The following CSF2RA variants were observed in gnomAD, a reference collection of about 807,000 sequenced individuals.
CSF2RA encodes the protein colony stimulating factor 2 receptor subunit alpha, also known as granulocyte-macrophage colony-stimulating factor receptor subunit alpha.
Under a neutral mutation model 51.6 loss-of-function variants are expected in CSF2RA, and 42 were observed. The observed-to-expected ratio is 0.81, with a 90% CI of 0.64 to 1.05. The LOEUF is 1.05. Ranked by LOEUF, CSF2RA falls within the 50% of genes least tolerant of loss-of-function variation. The probability of loss-of-function intolerance (pLI) is 0.00; values close to 1 mark genes in which losing one functional copy is unlikely to be tolerated. For synonymous variants in CSF2RA, 222 were observed against 193.0 expected (o/e 1.15, Z -1.24); for missense variants, 530 against 501.1 (o/e 1.06, Z -0.55).
chrX:1,295,258 A>G (rs2091832724), intron 8 of CSF2RA, among the ~76,000 whole-genome samples, 169 bp from the exon 9 acceptor site: 2 of 152,072 alleles, frequency 1.3e-5, no homozygotes, highest in Non-Finnish European at 2.9e-5. Flanking sequence ...GCAGCTCCTC[A>G]TCCTACCTGT....
At chrX:1,315,561 C>G in the CSF2RA span, among the ~76,000 whole-genome samples, 1 of 151,508 alleles carries the variant, frequency 6.6e-6, no homozygotes, top group Non-Finnish European at 1.5e-5. Flanking sequence ...GCACCACCAC[C>G]CCCAGCCAAT....
At chrX:1,320,802 C>T in the CSF2RA span, among the ~76,000 whole-genome samples, 15 of 151,420 alleles carry the variant, frequency 9.9e-5, no homozygotes, top group African/African-American at 3.4e-4. Context: ...TGAGCCACTG[C>T]ACCCAGCCTG....
In CSF2RA at chrX:1,288,349, G is replaced by T. The variant is rs1174667752; in HGVS notation, c.220-170G>T. ...ATACACAAATTAGCAGGGTGTGGTG[G>T]CGGGTGTCTGTAATCCGAGCTACTC... On this transcript the variant is annotated intron_variant, in intron 4 of 12. Coordinates refer to ENST00000381529, the MANE Select transcript of CSF2RA (RefSeq NM_172245.4). Among the ~76,000 whole-genome samples, 49 of 126,750 alleles carry T rather than the reference G, an allele frequency of 3.9e-4. 2 individuals are homozygous for T. The highest frequency in any genetic ancestry group is 1.1e-3 in the African/African-American group (43 of 39,300). 83.2% of individuals were successfully genotyped at this position (126,750 alleles called of 152,430 possible). A position where few individuals can be genotyped will look rare whatever the true frequency, so the allele number is the denominator to read the frequency against.
the CSF2RA span, among the ~76,000 whole-genome samples, chrX:1,316,724 C>A: frequency 3.9e-5 from 6 of 152,300 alleles, no homozygotes; most frequent in East Asian, 9.7e-4. Flanking sequence ...AGCACCACCA[C>A]CTCCTACATC....
the CSF2RA span, among the ~76,000 whole-genome samples, chrX:1,323,151 T>TACAA: frequency 6.7e-4 from 37 of 55,032 alleles, no homozygotes; most frequent in African/African-American, 1.4e-3. Flanking sequence ...ATACAATACA[T>TACAA]TACAATTATA....
intron 10 of CSF2RA, chrX:1,303,429 G>C (rs2083215167): frequency 2.4e-6 from 1 of 409,380 alleles, no homozygotes; most frequent in Non-Finnish European, 4.3e-6. Flanking sequence ...TAGCAGAGAT[G>C]AGGTTTCACC....
At chrX:1,275,796 G>A (rs2089112660) in intron 2 of CSF2RA, among the ~76,000 whole-genome samples, 1 of 151,726 alleles carries the variant, frequency 6.6e-6, no homozygotes, top group Non-Finnish European at 1.5e-5. Context: ...CTGACTTCGT[G>A]ATCCGCCCGC....
At chrX:1,323,296 C>T in the CSF2RA span, among the ~76,000 whole-genome samples, 9 of 145,920 alleles carry the variant, frequency 6.2e-5, no homozygotes, top group African/African-American at 2.0e-4. Context: ...GGCGGATCAC[C>T]TGAGGTCGGG....
chrX:1,292,729 C>T (rs1469905667), intron 7 of CSF2RA, among the ~76,000 whole-genome samples: 2 of 152,088 alleles, frequency 1.3e-5, no homozygotes, highest in East Asian at 1.9e-4. Flanking sequence ...CAGAATAGAA[C>T]GAATGTACGA....
chrX:1,317,923 C>T, the CSF2RA span, among the ~76,000 whole-genome samples: 1 of 151,732 alleles, frequency 6.6e-6, no homozygotes, highest in Non-Finnish European at 1.5e-5. Context: ...CCTCCCACCT[C>T]GGCCTCCTTA....
At chrX:1,290,235 G>C in intron 6 of CSF2RA, 102 bp from the exon 7 acceptor site, 1 of 912,346 alleles carries the variant, frequency 1.1e-6, no homozygotes, top group Non-Finnish European at 1.7e-6. Context: ...TTTGTGTTTT[G>C]TGTTTTTGTG....
At chrX:1,296,340 C>T (rs1199832032) in intron 9 of CSF2RA, among the ~76,000 whole-genome samples, 1 of 130,028 alleles carries the variant, frequency 7.7e-6, no homozygotes, top group Non-Finnish European at 1.7e-5. Flanking sequence ...CTACCCATGA[C>T]CCCTGGCGGA....
rs776266749 is a variant in CSF2RA, at chrX:1,287,906, T to C, written c.220-613T>C. Among the ~76,000 whole-genome samples, 176 of 141,452 alleles carry C rather than the reference T, an allele frequency of 1.2e-3. 1 individual carries two copies. Among genetic ancestry groups the C allele is most frequent in the African/African-American group, 4.1e-3 (154 of 37,766 alleles). The allele number at this position is 141,452 out of a possible 152,430, so 92.8% of individuals were successfully genotyped here. On this transcript the variant is annotated intron_variant, in intron 4 of 12. Coordinates refer to ENST00000381529, the MANE Select transcript of CSF2RA (RefSeq NM_172245.4). Reference sequence around the variant, plus strand: ...TGCCTGCCACCACACCTGGCTAATTTTTGTATTTTTAGTAGAGACGGGGTT... The same window carrying C: ...TGCCTGCCACCACACCTGGCTAATTCTTGTATTTTTAGTAGAGACGGGGTT...
At chrX:1,300,151 G>A in intron 9 of CSF2RA, 1 of 234,528 alleles carries the variant, frequency 4.3e-6, no homozygotes, top group South Asian at 5.7e-5. Context: ...CCCTGGAGGT[G>A]GAGGTTGTAG....
At chrX:1,313,847 G>A (rs36025654), downstream of CSF2RA, among the ~76,000 whole-genome samples, 18,726 of 151,396 alleles carry the variant, frequency 0.12, 1,592 homozygotes, top group Middle Eastern at 0.19. Context: ...AATCTTAGCC[G>A]GGTGTGGTGG....
Position 1,309,409 on chromosome X carries a change from G to C in CSF2RA, c.1133G>C (p.Trp378Ser), listed in dbSNP as rs1212776710. The C allele has an allele frequency of 6.2e-7, 1 of 1,613,912 alleles. No homozygotes were observed. The highest frequency in any genetic ancestry group is 8.5e-7 in the Non-Finnish European group (1 of 1,179,834). The change falls in exon 13 of 13, where the codon TGG becomes TCG. Residue 378 changes from tryptophan (W) to serine (S), a missense_variant. Physicochemically the swap from Trp to Ser is radical, Grantham distance 177 (BLOSUM62 -3). Coordinates refer to ENST00000381529, the MANE Select transcript of CSF2RA (RefSeq NM_172245.4). ...AACCCTCCTTTTTCTCAGATCATCT[G>C]GGAGGAATTCACCCCAGAGGAAGGG... ...DNHEVEDEII[W>S]EEFTPEEGKG... is the part of the protein sequence containing the mutation.
chrX:1,314,754 T>C (rs79214969), downstream of CSF2RA, among the ~76,000 whole-genome samples: 38 of 572 alleles, frequency 0.066, no homozygotes, highest in Non-Finnish European at 0.075. Context: ...ACCTGCCCAA[T>C]CCCACTGCAC....
In CSF2RA at chrX:1,290,318, G is replaced by T. The variant is rs1190599677; in HGVS notation, c.474-19G>T. ...TTTTGTTTTCCTGATTGCTCTCTGA[G>T]CACTTTCTAATCTTTCAGGAGAAGG... On this transcript the variant is annotated intron_variant, in intron 6 of 12. Coordinates refer to ENST00000381529, the MANE Select transcript of CSF2RA (RefSeq NM_172245.4). 5.0e-6 allele frequency: 8 copies of T among 1,606,534 alleles called. No individual in the cohort carries two copies. The highest frequency in any genetic ancestry group is 6.0e-6 in the Non-Finnish European group (7 of 1,173,442).
intron 2 of CSF2RA, among the ~76,000 whole-genome samples, chrX:1,277,750 G>A (rs1220754704): frequency 1.3e-5 from 2 of 149,356 alleles, no homozygotes; most frequent in African/African-American, 4.9e-5. Flanking sequence ...GTGGAGGTGG[G>A]CAGATCACCT....
Sources: gnomAD v4.1 joint callset for allele counts (sites outside exome capture counted in the v4.1 genomes callset) on GRCh38, gnomAD v4.1.1 for gene constraint, MANE v1.5 for transcripts, NCBI Gene and HGNC (gene_info 2026-07-23, HGNC 2026-07-21) for gene names.